BICC1: variants seen among roughly 807,000 people sequenced by gnomAD.
BICC1 encodes the protein protein bicaudal C homolog 1.
A neutral mutation model predicts 111.0 loss-of-function variants in BICC1; 43 were observed. The ratio of observed to expected loss-of-function variants is 0.39; its 90% confidence interval spans 0.30 to 0.50. The LOEUF is 0.50. BICC1 is among the 20% of genes least tolerant of loss of function. The pLI is 0.88. For missense variants in BICC1, 1,091 were observed against 1,203.2 expected (o/e 0.91, Z 1.38); for synonymous variants, 467 against 434.4 (o/e 1.07, Z -0.93).
chr10:58,785,298 AC>A (rs1842979905), intron 4 of BICC1, among the ~76,000 whole-genome samples: 1 of 152,136 alleles, frequency 6.6e-6, no homozygotes, highest in Non-Finnish European at 1.5e-5. Flanking sequence ...ACACACACAC[AC>A]ACCTATATGT....
At chr10:58,579,823 G>A (rs1282113217) in intron 1 of BICC1, among the ~76,000 whole-genome samples, 1 of 152,084 alleles carries the variant, frequency 6.6e-6, no homozygotes, top group Non-Finnish European at 1.5e-5. Flanking sequence ...GGCAAAGAAA[G>A]CACTGGAAGT....
chr10:58,514,060 C>A (rs1842176228), intron 1 of BICC1, among the ~76,000 whole-genome samples: 1 of 152,218 alleles, frequency 6.6e-6, no homozygotes, highest in East Asian at 1.9e-4. Flanking sequence ...ATTTTTAACT[C>A]TTTAATTTCT....
intron 1 of BICC1, among the ~76,000 whole-genome samples, chr10:58,589,399 TCAAAATTGTACAGCTGGCA>T: frequency 6.6e-6 from 1 of 151,910 alleles, no homozygotes; most frequent in Non-Finnish European, 1.5e-5. Context: ...ATAATTTTGC[TCAAAATTGTACAGCTGGCA>T]CACAGAGCTA....
At chr10:58,708,061 C>T (rs1384102565) in intron 3 of BICC1, among the ~76,000 whole-genome samples, 5 of 134,750 alleles carry the variant, frequency 3.7e-5, no homozygotes, top group Admixed American at 8.4e-5. Flanking sequence ...CCAGGCTGGT[C>T]GTGAACTCCT....
chr10:58,546,942 A>G (rs902608791), intron 1 of BICC1, among the ~76,000 whole-genome samples: 3 of 152,132 alleles, frequency 2.0e-5, no homozygotes, highest in African/African-American at 7.2e-5. Flanking sequence ...GTACCTAGAG[A>G]CCTAATGGAG....
chr10:58,764,366 A>G (rs560213954), intron 3 of BICC1, among the ~76,000 whole-genome samples: 1 of 152,342 alleles, frequency 6.6e-6, no homozygotes, highest in African/African-American at 2.4e-5. Flanking sequence ...ACTGTGGAGA[A>G]AATCTTGTAC....
chr10:58,621,019 C>T (rs537722944), intron 2 of BICC1, 118 bp downstream of exon 2: 34 of 778,366 alleles, frequency 4.4e-5, no homozygotes, highest in African/African-American at 2.0e-4. Flanking sequence ...GGTTTCTATA[C>T]GGGAGCTGGA....
At chr10:58,724,112 C>T (rs982016511) in intron 3 of BICC1, among the ~76,000 whole-genome samples, 8 of 152,256 alleles carry the variant, frequency 5.3e-5, no homozygotes, top group Middle Eastern at 3.4e-3. Flanking sequence ...ATGAAACAGC[C>T]GATCAGTGCT....
chr10:58,702,906 A>G (rs573377438), intron 3 of BICC1, among the ~76,000 whole-genome samples: 2 of 152,334 alleles, frequency 1.3e-5, no homozygotes, highest in South Asian at 4.1e-4. Context: ...AGCTGCAATT[A>G]TCCATCATGG....
intron 2 of BICC1, among the ~76,000 whole-genome samples, chr10:58,686,317 T>C (rs555699645): frequency 5.3e-5 from 8 of 152,336 alleles, no homozygotes; most frequent in Admixed American, 5.2e-4. Flanking sequence ...TCATTTCAAC[T>C]TTGGTGAATC....
intron 1 of BICC1, among the ~76,000 whole-genome samples, chr10:58,563,655 C>G (rs1843672991): frequency 1.3e-5 from 2 of 152,154 alleles, no homozygotes; most frequent in South Asian, 4.1e-4. Context: ...CTGGACACCT[C>G]CACTCAGCCA....
At chr10:58,717,313 C>T (rs1427452529) in intron 3 of BICC1, among the ~76,000 whole-genome samples, 4 of 150,826 alleles carry the variant, frequency 2.7e-5, no homozygotes, top group South Asian at 2.1e-4. Context: ...TGTTTAATGG[C>T]GTACTTGCCA....
intron 3 of BICC1, among the ~76,000 whole-genome samples, chr10:58,769,402 G>GTATATATATATATATATATATATATATA (rs879547814): frequency 9.8e-5 from 11 of 112,246 alleles, no homozygotes; most frequent in Non-Finnish European, 1.3e-4. Context: ...GTGTGTGTGT[G>GTATATATATATATATATATATATATATA]TGTATATATA....
intron 2 of BICC1, among the ~76,000 whole-genome samples, chr10:58,621,893 G>A (rs1217206773): frequency 1.8e-5 from 1 of 55,794 alleles, no homozygotes; most frequent in Non-Finnish European, 3.6e-5. Context: ...GTGAGACTTT[G>A]TCTCTAAAAT....
At chr10:58,584,791 T>G (rs1844384267) in intron 1 of BICC1, among the ~76,000 whole-genome samples, 1 of 152,108 alleles carries the variant, frequency 6.6e-6, no homozygotes, top group Admixed American at 6.5e-5. Flanking sequence ...AGTGCCTTTT[T>G]TTTTTTTCTT....
At chr10:58,684,742 T>G (rs1180721933) in intron 2 of BICC1, among the ~76,000 whole-genome samples, 7 of 152,380 alleles carry the variant, frequency 4.6e-5, no homozygotes, top group Non-Finnish European at 8.8e-5. Flanking sequence ...CATTTTTTAT[T>G]GCATCTATTT....
chr10:58,621,207 G>A (rs1845793575), intron 2 of BICC1, among the ~76,000 whole-genome samples: 1 of 152,212 alleles, frequency 6.6e-6, no homozygotes, highest in Admixed American at 6.5e-5. Context: ...GCTGGCATGT[G>A]ACATAGGAAG....
At chr10:58,708,606 C>G (rs1025029785) in intron 3 of BICC1, among the ~76,000 whole-genome samples, 1 of 152,088 alleles carries the variant, frequency 6.6e-6, no homozygotes, top group South Asian at 2.1e-4. Flanking sequence ...ACATAGGGCC[C>G]GAAGATTGGT....
At chr10:58,648,599 TTCTC>T (rs1316101466) in intron 2 of BICC1, 1 of 980,510 alleles carries the variant, frequency 1.0e-6, no homozygotes, top group African/African-American at 1.8e-5. Context: ...CTCTCTCTCT[TTCTC>T]TCTCTCTTTC....
Sources: gnomAD v4.1 joint callset for allele counts (sites outside exome capture counted in the v4.1 genomes callset) on GRCh38, gnomAD v4.1.1 for gene constraint, MANE v1.5 for transcripts, NCBI Gene and HGNC (gene_info 2026-07-23, HGNC 2026-07-21) for gene names.